The following FNIP2 variants were observed in gnomAD, a reference collection of about 807,000 sequenced individuals.
The protein encoded by FNIP2 is folliculin-interacting protein 2.
Under a neutral mutation model 108.7 loss-of-function variants are expected in FNIP2, and 32 were observed. The observed-to-expected ratio is 0.29, with a 90% CI of 0.22 to 0.40. FNIP2 has a LOEUF of 0.40. Ranked by LOEUF, FNIP2 falls within the 10% of genes least tolerant of loss-of-function variation. The pLI is 1.00. For missense variants in FNIP2, 1,202 were observed against 1,381.6 expected, an observed-to-expected ratio of 0.87 and a Z score of 2.06; for synonymous variants, 480 against 496.7, an observed-to-expected ratio of 0.97 and a Z score of 0.45.
rs1404852817 is a variant in FNIP2 at position 158,868,575 on chromosome 4, G to A, written c.1939G>A (p.Ala647Thr). The A allele has an allele frequency of 2.5e-6, 4 of 1,613,368 alleles. No homozygotes were observed. Among genetic ancestry groups the A allele is most frequent in the Non-Finnish European group, 3.4e-6 (4 of 1,179,644 alleles). ...AGACGCTTCCTGGAAACCTCAGAAT[G>A]CATTTTGTGGGGATGAGAAAAATAA... The part of the protein sequence containing the change: ...ASDASWKPQN[A>T]FCGDEKNKEA... The change falls in exon 13 of 17, where the codon GCA becomes ACA. Residue 647 changes from alanine (A) to threonine (T), a missense_variant. By Grantham distance (58) the Ala-to-Thr change is moderately conservative. Transcript: ENST00000264433. The surrounding 1 kb of genome is among the most constrained non-coding windows in gnomAD (Gnocchi z 4.6).
At chr4:158,850,822 G>A (rs185766114) in intron 7 of FNIP2, among the ~76,000 whole-genome samples, 2 of 151,802 alleles carry the variant, frequency 1.3e-5, no homozygotes, top group African/African-American at 2.4e-5. Context: ...TAGTTATGTT[G>A]TGTGGACCAT....
chr4:158,831,957 A>C lies in FNIP2; in HGVS notation c.478A>C (p.Ile160Leu), dbSNP rs565931244. The stretch of plus-strand genomic sequence containing the variant: ...AGGCTCCACCTTAAAGATACACTAC[A>C]TACGGTGAGTCTGGGCTTCCTTTTC... ...YKGSTLKIHY[I>L]RSPPQLMISK... The change falls in exon 4 of 17, where the codon ATA (isoleucine) becomes CTA (leucine). Residue 160 changes from isoleucine (I) to leucine (L), a missense_variant. Around this residue, in one of 5 missense-constraint regions of FNIP2, gnomAD observed 878 missense variants for 990.3 expected, o/e 0.89. Transcript: ENST00000264433. The C allele has an allele frequency of 1.2e-6, 2 of 1,609,602 alleles. No individual in the cohort carries two copies. The highest frequency in any genetic ancestry group is 3.4e-5 in the Admixed American group (2 of 59,600).
intron 1 of FNIP2, among the ~76,000 whole-genome samples, chr4:158,770,998 T>C (rs1746200366): frequency 6.6e-6 from 1 of 152,210 alleles, no homozygotes; most frequent in South Asian, 2.1e-4. Context: ...AATATGGCTA[T>C]ATTTAGGGTT....
intron 1 of FNIP2, among the ~76,000 whole-genome samples, chr4:158,784,938 T>C (rs1036391819): frequency 1.3e-5 from 2 of 152,194 alleles, no homozygotes; most frequent in African/African-American, 4.8e-5. Context: ...AGCAACATTG[T>C]ATGTATGTCC....
chr4:158,833,725 G>C (rs1560787091), intron 6 of FNIP2, 97 bp downstream of exon 6: 1 of 1,269,852 alleles, frequency 7.9e-7, no homozygotes, highest in Non-Finnish European at 1.1e-6. Flanking sequence ...TTTTTTTTTT[G>C]CGTTATCTTT....
Position 158,818,937 on chromosome 4 carries a change from G to A in FNIP2, c.108-6979G>A, listed in dbSNP as rs113991919. Among the ~76,000 whole-genome samples the A allele has an allele frequency of 5.6e-3, 848 of 152,316 alleles. 4 individuals are homozygous for A. The highest frequency in any genetic ancestry group is 7.6e-3 in the Non-Finnish European group (519 of 68,026). ...TGGTGAATCCTAATCCGTGTCCCAAGCATCATGTCTTCTGTGACTCACATC... is the reference window on the plus strand; with the variant it reads ...TGGTGAATCCTAATCCGTGTCCCAAACATCATGTCTTCTGTGACTCACATC... On this transcript the variant is annotated intron_variant, in intron 1 of 16. Coordinates refer to ENST00000264433, the MANE Select transcript of FNIP2 (RefSeq NM_020840.3).
At chr4:158,893,882 G>A (rs1211064212) in intron 15 of FNIP2, among the ~76,000 whole-genome samples, 1 of 152,142 alleles carries the variant, frequency 6.6e-6, no homozygotes, top group Non-Finnish European at 1.5e-5. Context: ...TTGGACAGAA[G>A]TGTGTTCAAG....
chr4:158,796,300 G>A (rs1487702485), intron 1 of FNIP2, among the ~76,000 whole-genome samples: 1 of 152,128 alleles, frequency 6.6e-6, no homozygotes, highest in African/African-American at 2.4e-5. Flanking sequence ...TATATGGGGT[G>A]TTGAAAGGGG....
At position 158,871,746 on chromosome 4, in the gene FNIP2, C is replaced by A. The variant is rs80344439; in HGVS notation, c.2949+1277C>A. Reference sequence around the variant, plus strand: ...GAAGTTGCTTTTGTCCCTATAATATCATAATTATTTAATATCATAATTTCT... The same window carrying A: ...GAAGTTGCTTTTGTCCCTATAATATAATAATTATTTAATATCATAATTTCT... On this transcript the variant is annotated intron_variant, in intron 14 of 16. Coordinates refer to ENST00000264433, the MANE Select transcript of FNIP2 (RefSeq NM_020840.3). 833 of 984,380 alleles carry A rather than the reference C, an allele frequency of 8.5e-4. 6 individuals are homozygous for A. The African/African-American group carries it at 0.013, about 16-fold the overall frequency. The allele number at this position is 984,380 out of a possible 1,614,324, so 61.0% of individuals were successfully genotyped here. A position where few individuals can be genotyped will look rare whatever the true frequency, so the allele number is the denominator to read the frequency against.
At chr4:158,792,550 G>A (rs985197046) in intron 1 of FNIP2, among the ~76,000 whole-genome samples, 5 of 152,138 alleles carry the variant, frequency 3.3e-5, no homozygotes, top group Admixed American at 6.5e-5. Flanking sequence ...TGAGTTCAGC[G>A]TTAATGAAGC....
chr4:158,874,624 A>C (rs1781154522), intron 14 of FNIP2, among the ~76,000 whole-genome samples: 1 of 152,116 alleles, frequency 6.6e-6, no homozygotes. Context: ...ACTGCACTCC[A>C]GCCTGGGTAA....
At chr4:158,826,484 C>T (rs528504670) in intron 2 of FNIP2, among the ~76,000 whole-genome samples, 5 of 152,358 alleles carry the variant, frequency 3.3e-5, no homozygotes, top group Admixed American at 6.5e-5. Flanking sequence ...CAAAATTAAA[C>T]AGCTTTGCTT....
chr4:158,778,705 G>A (rs1775936553), intron 1 of FNIP2, among the ~76,000 whole-genome samples: 1 of 152,168 alleles, frequency 6.6e-6, no homozygotes, highest in Admixed American at 6.5e-5. Context: ...AAAAAACATA[G>A]TATATACAGG....
At chr4:158,840,267 A>G (rs1224970354) in intron 7 of FNIP2, among the ~76,000 whole-genome samples, 7 of 152,236 alleles carry the variant, frequency 4.6e-5, no homozygotes, top group Non-Finnish European at 1.0e-4. Context: ...TTCTAGCTAC[A>G]GAGATTGGGA....
intron 7 of FNIP2, among the ~76,000 whole-genome samples, chr4:158,850,368 T>G (rs1475778803): frequency 2.0e-5 from 3 of 152,000 alleles, no homozygotes; most frequent in African/African-American, 7.2e-5. Context: ...TTTTCTTCCA[T>G]TCTTTCAAAC....
chr4:158,877,065 C>G (rs77748383), intron 14 of FNIP2, among the ~76,000 whole-genome samples: 2 of 152,184 alleles, frequency 1.3e-5, no homozygotes, highest in Non-Finnish European at 2.9e-5. Flanking sequence ...TACCAACCCT[C>G]TCTCATTTTA....
intron 15 of FNIP2, among the ~76,000 whole-genome samples, chr4:158,892,952 T>C (rs1453824934): frequency 6.6e-6 from 1 of 152,178 alleles, no homozygotes; most frequent in Non-Finnish European, 1.5e-5. Flanking sequence ...AAAAAGAGTC[T>C]AGACTTTTAT....
intron 1 of FNIP2, among the ~76,000 whole-genome samples, chr4:158,823,139 A>T (rs942830845): frequency 1.3e-5 from 2 of 152,252 alleles, no homozygotes; most frequent in African/African-American, 2.4e-5. Context: ...TGTAATTATT[A>T]GGGCAAAATT....
intron 15 of FNIP2, among the ~76,000 whole-genome samples, chr4:158,892,120 G>A (rs1330649452): frequency 6.8e-6 from 1 of 147,912 alleles, no homozygotes; most frequent in Non-Finnish European, 1.5e-5. Context: ...CTATACACAT[G>A]TAAGATTATA....
Sources: allele counts gnomAD v4.1 joint callset (sites outside exome capture counted in the v4.1 genomes callset), GRCh38; gene constraint gnomAD v4.1.1; regional missense constraint gnomAD v4.1.1; non-coding constraint Gnocchi (gnomAD v3.1); transcripts MANE v1.5; gene names NCBI Gene and HGNC (gene_info 2026-07-23, HGNC 2026-07-21).